The following CBFA2T2 variants were observed in gnomAD, a reference collection of about 807,000 sequenced individuals.
The protein encoded by CBFA2T2 is protein CBFA2T2.
A neutral mutation model predicts 62.2 loss-of-function variants in CBFA2T2; 11 were observed. That is an observed-to-expected ratio of 0.18 (90% CI 0.11 to 0.29). The LOEUF (loss-of-function observed/expected upper bound fraction) is 0.29, where lower values mean the gene tolerates loss of function less well. CBFA2T2 is among the 10% of genes least tolerant of loss of function. The pLI is 1.00. For missense variants in CBFA2T2, 592 were observed against 774.1 expected (o/e 0.76, Z 2.79); for synonymous variants, 295 against 287.5 (o/e 1.03, Z -0.27).
intron 1 of CBFA2T2, among the ~76,000 whole-genome samples, chr20:33,558,105 G>C (rs1042256938): frequency 2.0e-5 from 3 of 151,144 alleles, no homozygotes; most frequent in Non-Finnish European, 4.4e-5. Context: ...GGGATTACAG[G>C]TGTGAGCCAC....
At position 33,618,860 on chromosome 20, in the gene CBFA2T2, A is replaced by G. The variant is rs145237951; in HGVS notation, c.421-657A>G. ...TTGCCTGTTCCTGAAGTGACTTGCA[A>G]TGAACCCCTCAATATCAGGGATCAG... On this transcript the variant is annotated intron_variant, in intron 3 of 10. Transcript: ENST00000342704. 7.3e-3 allele frequency among the ~76,000 whole-genome samples: 1,118 copies of G among 152,306 alleles called. 18 individuals carry two copies. Among genetic ancestry groups the G allele is most frequent in the African/African-American group, 0.026 (1,080 of 41,564 alleles).
At chr20:33,538,830 A>G (rs1568807621) in intron 1 of CBFA2T2, among the ~76,000 whole-genome samples, 1 of 148,082 alleles carries the variant, frequency 6.8e-6, no homozygotes, top group East Asian at 2.0e-4. Context: ...GGTCTTAGAT[A>G]TTATCATATT....
In CBFA2T2 at chr20:33,494,243, GTATA is replaced by G. The variant is rs869164142; in HGVS notation, c.34+3970_34+3973del. On this transcript the variant is annotated intron_variant, in intron 1 of 10. Coordinates refer to ENST00000342704, the MANE Select transcript of CBFA2T2 (RefSeq NM_001032999.3). The stretch of plus-strand genomic sequence containing the variant: ...TACTATGTATTAGGCATATATATGT[GTATA>G]TATATATATATATATATATATATAT... Among the ~76,000 whole-genome samples, 182 of 30,274 alleles carry G rather than the reference GTATA, an allele frequency of 6.0e-3. 2 individuals are homozygous for G. Among genetic ancestry groups the G allele is most frequent in the African/African-American group, 0.017 (161 of 9,256 alleles). 19.9% of individuals were successfully genotyped at this position (30,274 alleles called of 152,430 possible).
intron 1 of CBFA2T2, among the ~76,000 whole-genome samples, chr20:33,546,664 A>AT (rs924496915): frequency 1.0e-4 from 15 of 149,352 alleles, no homozygotes; most frequent in African/African-American, 3.7e-4. Context: ...GTAGAGATTT[A>AT]TTTTTTGTAT....
At chr20:33,580,117 T>G (rs1183706096) in intron 1 of CBFA2T2, among the ~76,000 whole-genome samples, 1 of 152,118 alleles carries the variant, frequency 6.6e-6, no homozygotes, top group African/African-American at 2.4e-5. Context: ...GCGCCTGGCC[T>G]CTTTTTTCTT....
chr20:33,618,498 C>T (rs1190139318), intron 3 of CBFA2T2: 1 of 152,136 alleles, frequency 6.6e-6, no homozygotes, highest in Non-Finnish European at 1.5e-5. Context: ...TTTGGGAAAA[C>T]ACAGAGGACG....
chr20:33,640,079 T>C (rs538184670), intron 9 of CBFA2T2, among the ~76,000 whole-genome samples: 46 of 152,316 alleles, frequency 3.0e-4, no homozygotes, highest in African/African-American at 1.1e-3. Context: ...TGAAACACTT[T>C]CATACTTGGT....
intron 6 of CBFA2T2, among the ~76,000 whole-genome samples, chr20:33,625,417 G>A (rs2016184968): frequency 6.6e-6 from 1 of 152,170 alleles, no homozygotes; most frequent in Non-Finnish European, 1.5e-5. Flanking sequence ...AGTCCAGGAA[G>A]TCAAAACTAC....
At chr20:33,589,873 AAT>A (rs1235051513) in intron 1 of CBFA2T2, among the ~76,000 whole-genome samples, 1 of 152,190 alleles carries the variant, frequency 6.6e-6, no homozygotes, top group Non-Finnish European at 1.5e-5. Flanking sequence ...TCCTTTTGAT[AAT>A]ATGTTTAATA....
chr20:33,537,385 G>A (rs377669299), intron 1 of CBFA2T2, among the ~76,000 whole-genome samples: 2 of 152,240 alleles, frequency 1.3e-5, no homozygotes, highest in Non-Finnish European at 2.9e-5. Flanking sequence ...CACTCGGCAG[G>A]CTGAGGCAGT....
At chr20:33,494,256 TATATATATA>T (rs2011172875) in intron 1 of CBFA2T2, among the ~76,000 whole-genome samples, 1 of 76,422 alleles carries the variant, frequency 1.3e-5, no homozygotes, top group African/African-American at 5.6e-5. Flanking sequence ...TATATATATA[TATATATATA>T]TATATATATT....
chr20:33,643,783 ATATATATATATATATAT>A (rs1298295719), intron 10 of CBFA2T2, among the ~76,000 whole-genome samples: 1 of 30,052 alleles, frequency 3.3e-5, no homozygotes, highest in African/African-American at 1.9e-4. Flanking sequence ...ATATATATAT[ATATATATATATATATAT>A]ATATATATAT....
chr20:33,558,558 A>G (rs1016228077), intron 1 of CBFA2T2, among the ~76,000 whole-genome samples: 6 of 152,082 alleles, frequency 3.9e-5, no homozygotes, highest in Non-Finnish European at 5.9e-5. Flanking sequence ...TTGCATCATC[A>G]TCTTGCCATT....
intron 1 of CBFA2T2, among the ~76,000 whole-genome samples, chr20:33,544,752 G>A (rs1051245834): frequency 1.3e-5 from 2 of 151,838 alleles, no homozygotes; most frequent in African/African-American, 4.8e-5. Flanking sequence ...TCACCATATT[G>A]GGCAGGCTGG....
intron 1 of CBFA2T2, among the ~76,000 whole-genome samples, chr20:33,541,865 T>TA (rs745823157): frequency 6.6e-6 from 1 of 151,854 alleles, no homozygotes; most frequent in Non-Finnish European, 1.5e-5. Flanking sequence ...GTCTTAGTGC[T>TA]ACAGGTTTTT....
At chr20:33,549,881 T>TC (rs2032560855) in intron 1 of CBFA2T2, among the ~76,000 whole-genome samples, 2 of 143,936 alleles carry the variant, frequency 1.4e-5, no homozygotes, top group Admixed American at 7.1e-5. Context: ...TTTTTTTTTT[T>TC]CTCTAAATCA....
intron 2 of CBFA2T2, among the ~76,000 whole-genome samples, chr20:33,610,785 T>C (rs2015493726): frequency 6.6e-6 from 1 of 152,070 alleles, no homozygotes; most frequent in Admixed American, 6.5e-5. Flanking sequence ...CCCAGACCCA[T>C]CTCAAGCACT....
At chr20:33,555,785 T>G (rs1012285624) in intron 1 of CBFA2T2, among the ~76,000 whole-genome samples, 1 of 152,262 alleles carries the variant, frequency 6.6e-6, no homozygotes, top group African/African-American at 2.4e-5. Flanking sequence ...CTCTTATACC[T>G]CAATCCAATT....
intron 6 of CBFA2T2, among the ~76,000 whole-genome samples, chr20:33,627,369 C>T (rs531975993): frequency 2.0e-5 from 3 of 152,086 alleles, no homozygotes; most frequent in Admixed American, 1.3e-4. Context: ...TGCACTCCAT[C>T]CTGGCAACAG....
Sources: allele counts gnomAD v4.1 joint callset (sites outside exome capture counted in the v4.1 genomes callset), GRCh38; gene constraint gnomAD v4.1.1; transcripts MANE v1.5; gene names NCBI Gene and HGNC (gene_info 2026-07-23, HGNC 2026-07-21).